MYO1H: variants seen among roughly 807,000 people sequenced by gnomAD.
MYO1H encodes the protein myosin IH, also known as unconventional myosin-Ih.
MYO1H carries 118 observed loss-of-function variants against 149.3 expected under a neutral mutation model. The observed-to-expected ratio is 0.79, with a 90% CI of 0.68 to 0.92. The LOEUF is 0.92. MYO1H is among the 40% of genes least tolerant of loss of function. The probability of loss-of-function intolerance (pLI) is 0.00; values close to 1 mark genes in which losing one functional copy is unlikely to be tolerated. For missense variants in MYO1H, 1,212 were observed against 1,280.7 expected, an observed-to-expected ratio of 0.95 and a Z score of 0.82; for synonymous variants, 447 against 465.2, an observed-to-expected ratio of 0.96 and a Z score of 0.50.
At chr12:109,313,307 T>A in the MYO1H span, among the ~76,000 whole-genome samples, 2 of 152,120 alleles carry the variant, frequency 1.3e-5, no homozygotes, top group Non-Finnish European at 2.9e-5. Context: ...CAGTGCCCCC[T>A]CTCCAAGGTG....
chr12:109,416,352 T>C (rs1436000083), intron 15 of MYO1H, among the ~76,000 whole-genome samples: 1 of 150,642 alleles, frequency 6.6e-6, no homozygotes, highest in Non-Finnish European at 1.5e-5. Context: ...CTACCTTCCC[T>C]CTCTATAGAT....
intron 8 of MYO1H, among the ~76,000 whole-genome samples, chr12:109,406,283 T>C (rs1870380688): frequency 7.1e-6 from 1 of 140,620 alleles, no homozygotes; most frequent in South Asian, 2.2e-4. Context: ...ACCCTGGGCC[T>C]GGATACTCTA....
Position 109,431,273 on chromosome 12 carries a change from G to A in MYO1H, c.1950-1624G>A, listed in dbSNP as rs570171934. On this transcript the variant is annotated intron_variant, in intron 19 of 31. Transcript: ENST00000310903. ...CGGGCACCTGTAGTCCCAGCTACTC[G>A]GGAGGCTGAGGCAGGAGAATGGCGT... Among the ~76,000 whole-genome samples, 110 of 148,658 alleles carry A rather than the reference G, an allele frequency of 7.4e-4. 1 individual carries two copies. The highest frequency in any genetic ancestry group is 2.5e-3 in the African/African-American group (101 of 40,264).
At chr12:109,354,208 ATCTT>A (rs747682122) in intron 1 of MYO1H, 1 of 152,234 alleles carries the variant, frequency 6.6e-6, no homozygotes, top group African/African-American at 2.4e-5. Flanking sequence ...GTACACATTT[ATCTT>A]TATTTCTTGC....
chr12:109,440,266 C>G (rs1251113061), intron 24 of MYO1H, among the ~76,000 whole-genome samples: 1 of 152,122 alleles, frequency 6.6e-6, no homozygotes, highest in African/African-American at 2.4e-5. Flanking sequence ...GAACTCCTGA[C>G]CTCAAATGAT....
chr12:109,351,381 C>G (rs1475829228), intron 1 of MYO1H, among the ~76,000 whole-genome samples: 2 of 152,126 alleles, frequency 1.3e-5, no homozygotes, highest in African/African-American at 4.8e-5. Flanking sequence ...CATTTTATAT[C>G]AAAACCGTGG....
chr12:109,427,899 A>ATATATATATAT lies in MYO1H; in HGVS notation c.1949+313_1949+314insTATATATATAT, dbSNP rs1566038875. Among the ~76,000 whole-genome samples the ATATATATATAT allele has an allele frequency of 7.0e-4, 36 of 51,416 alleles. 3 individuals carry two copies. Among genetic ancestry groups the ATATATATATAT allele is most frequent in the African/African-American group, 2.6e-3 (34 of 13,194 alleles). The allele number at this position is 51,416 out of a possible 152,430, so 33.7% of individuals were successfully genotyped here. On this transcript the variant is annotated intron_variant, in intron 19 of 31. Transcript: ENST00000310903. ...ATCTCTACAAAAAAAAAAAAAAAAA[A>ATATATATATAT]AAAAAAAAAAATATATATATATATA... is the stretch of plus-strand genomic sequence containing the variant.
chr12:109,393,253 G>A (rs1355519061), intron 2 of MYO1H, 78 bp from the exon 3 acceptor site: 6 of 862,046 alleles, frequency 7.0e-6, no homozygotes, highest in Non-Finnish European at 9.6e-6. Flanking sequence ...CATGTGGAAT[G>A]AACACATGGG....
the MYO1H span, among the ~76,000 whole-genome samples, chr12:109,333,093 G>A: frequency 6.6e-6 from 1 of 152,198 alleles, no homozygotes; most frequent in Non-Finnish European, 1.5e-5. Context: ...GCTGAGGTGG[G>A]TGGATCACCT....
In MYO1H at chr12:109,410,891, C is replaced by T. The variant is rs891853770; in HGVS notation, c.1410+123C>T. 12 of 670,764 alleles carry T rather than the reference C, an allele frequency of 1.8e-5. No individual in the cohort carries two copies. The African/African-American group carries it at 2.2e-4, about 12-fold the overall frequency. The allele number at this position is 670,764 out of a possible 1,614,324, so 41.6% of individuals were successfully genotyped here. On this transcript the variant is annotated intron_variant, in intron 13 of 31. Transcript: ENST00000310903. ...GCACGGTGGCTCACGCCTGTAATTC[C>T]AACACTTTGGGAGGCCGAGGTGGGT...
intron 1 of MYO1H, among the ~76,000 whole-genome samples, chr12:109,377,473 T>C (rs1037485164): frequency 5.9e-5 from 9 of 152,112 alleles, no homozygotes; most frequent in African/African-American, 1.9e-4. Flanking sequence ...GGGCATTAAT[T>C]TATTCATGAG....
chr12:109,430,941 G>T (rs199760564), intron 19 of MYO1H, among the ~76,000 whole-genome samples: 1 of 129,184 alleles, frequency 7.7e-6, no homozygotes, highest in Admixed American at 8.4e-5. Context: ...ATATATACAT[G>T]TATTTTTTTT....
At chr12:109,385,535 C>T (rs867319453) in intron 1 of MYO1H, among the ~76,000 whole-genome samples, 1 of 152,140 alleles carries the variant, frequency 6.6e-6, no homozygotes, top group Non-Finnish European at 1.5e-5. Flanking sequence ...TCAAGTGATC[C>T]GCCTGCCTTG....
chr12:109,358,935 A>G (rs2137003032), intron 1 of MYO1H, among the ~76,000 whole-genome samples: 1 of 147,608 alleles, frequency 6.8e-6, no homozygotes, highest in East Asian at 2.1e-4. Context: ...ATGAGTTTTT[A>G]GTAAAATTTT....
chr12:109,330,550 T>G, the MYO1H span, among the ~76,000 whole-genome samples: 10 of 152,204 alleles, frequency 6.6e-5, no homozygotes, highest in Non-Finnish European at 1.5e-5. Flanking sequence ...CATGCTTTGT[T>G]GCCAGGTCTA....
chr12:109,373,227 C>T (rs1869023677), intron 1 of MYO1H, among the ~76,000 whole-genome samples: 1 of 152,044 alleles, frequency 6.6e-6, no homozygotes, highest in Admixed American at 6.5e-5. Flanking sequence ...ATTGCATTGG[C>T]CAGTACTTCG....
the MYO1H span, among the ~76,000 whole-genome samples, chr12:109,318,672 A>G: frequency 6.6e-6 from 1 of 152,210 alleles, no homozygotes; most frequent in Non-Finnish European, 1.5e-5. Context: ...CTGGACCAAC[A>G]CACTCCAAAA....
Position 109,416,378 on chromosome 12 carries a change from G to GTT in MYO1H, c.1597+758_1597+759insTT, listed in dbSNP as rs771334177. ...CTCTATAGATTTGACTGTTGTTGTT[G>GTT]GTTTTTTTTTTTTTGACATTTTTTA... is the stretch of plus-strand genomic sequence containing the variant. On this transcript the variant is annotated intron_variant, in intron 15 of 31. Transcript: ENST00000310903. 5.4e-3 allele frequency among the ~76,000 whole-genome samples: 729 copies of GTT among 135,400 alleles called. 10 individuals carry two copies. The highest frequency in any genetic ancestry group is 0.019 in the African/African-American group (659 of 35,618). The allele number at this position is 135,400 out of a possible 152,430, so 88.8% of individuals were successfully genotyped here. A position where few individuals can be genotyped will look rare whatever the true frequency, so the allele number is the denominator to read the frequency against.
At chr12:109,409,240 C>CT (rs1870542742) in intron 10 of MYO1H, among the ~76,000 whole-genome samples, 18 of 91,012 alleles carry the variant, frequency 2.0e-4, no homozygotes, top group South Asian at 3.9e-4. Flanking sequence ...TCTTCTTCTT[C>CT]TTCTTCTTTT....
Sources: gnomAD v4.1 joint callset for allele counts (sites outside exome capture counted in the v4.1 genomes callset) on GRCh38, gnomAD v4.1.1 for gene constraint, MANE v1.5 for transcripts, NCBI Gene and HGNC (gene_info 2026-07-23, HGNC 2026-07-21) for gene names.